JAKMIP2: variants seen among roughly 807,000 people sequenced by gnomAD.
JAKMIP2 encodes the protein janus kinase and microtubule-interacting protein 2.
In JAKMIP2, 25 loss-of-function variants were observed where a neutral mutation model predicts 115.0. That is an observed-to-expected ratio of 0.22 (90% CI 0.16 to 0.30). The LOEUF (loss-of-function observed/expected upper bound fraction) is 0.30, where lower values mean the gene tolerates loss of function less well. Among genes scored for constraint, JAKMIP2 ranks in the 10% least tolerant of loss-of-function variants. The probability of loss-of-function intolerance (pLI) is 1.00; values close to 1 mark genes in which losing one functional copy is unlikely to be tolerated. For missense variants in JAKMIP2, 642 were observed against 957.6 expected (o/e 0.67, Z 4.35); for synonymous variants, 334 against 343.6 (o/e 0.97, Z 0.31).
chr5:147,595,404 T>TC lies in JAKMIP2; in HGVS notation c.*21-3719dup, dbSNP rs1293530939. On this transcript the variant is annotated intron_variant, in intron 21 of 21. Transcript: ENST00000616793. ...AACTTAGGCTCTTTTGCCCCTCTGTTCCTTCTGTCCTGTGACACAGCTTTG... is the reference window on the plus strand; with the variant it reads ...AACTTAGGCTCTTTTGCCCCTCTGTTCCCTTCTGTCCTGTGACACAGCTTTG... 3 of 456,414 alleles carry TC rather than the reference T, an allele frequency of 6.6e-6. No homozygotes were observed. In the East Asian group the frequency reaches 2.1e-4, roughly 32 times the overall value. The allele number at this position is 456,414 out of a possible 1,614,324, so 28.3% of individuals were successfully genotyped here. A position where few individuals can be genotyped will look rare whatever the true frequency, so the allele number is the denominator to read the frequency against.
chr5:147,605,232 C>T (rs1171209030), intron 20 of JAKMIP2, among the ~76,000 whole-genome samples: 5 of 125,414 alleles, frequency 4.0e-5, no homozygotes, highest in Non-Finnish European at 6.5e-5. Context: ...TTTTTTGAGA[C>T]GGAGTCTTGC....
intron 1 of JAKMIP2, among the ~76,000 whole-genome samples, chr5:147,687,984 C>G (rs922617144): frequency 6.6e-6 from 1 of 152,182 alleles, no homozygotes; most frequent in Non-Finnish European, 1.5e-5. Context: ...TTTGATGTGT[C>G]TGACAAAATT....
chr5:147,672,562 T>G (rs571095779), intron 1 of JAKMIP2, among the ~76,000 whole-genome samples: 1 of 152,046 alleles, frequency 6.6e-6, no homozygotes, highest in African/African-American at 2.4e-5. Flanking sequence ...GGGAAAAAAT[T>G]TATCTATCTA....
chr5:147,739,523 G>C (rs1580860404), intron 1 of JAKMIP2, among the ~76,000 whole-genome samples: 1 of 152,004 alleles, frequency 6.6e-6, no homozygotes, highest in African/African-American at 2.4e-5. Flanking sequence ...TGCATGAGAC[G>C]AACAGAGGCT....
chr5:147,731,429 T>TA (rs1174051238), intron 1 of JAKMIP2, among the ~76,000 whole-genome samples: 4 of 152,232 alleles, frequency 2.6e-5, no homozygotes, highest in Non-Finnish European at 5.9e-5. Context: ...ATAATACTCT[T>TA]ACTTCTGAAG....
chr5:147,772,244 C>A (rs1459695499), intron 1 of JAKMIP2, among the ~76,000 whole-genome samples: 4 of 152,080 alleles, frequency 2.6e-5, no homozygotes, highest in African/African-American at 9.7e-5. Flanking sequence ...TTTGAAGCTG[C>A]AAATCATACT....
intron 8 of JAKMIP2, among the ~76,000 whole-genome samples, chr5:147,641,466 C>T (rs889534080): frequency 7.9e-5 from 12 of 152,308 alleles, no homozygotes; most frequent in African/African-American, 2.9e-4. Flanking sequence ...CTAGGGGCAT[C>T]TCCATTTAGA....
At chr5:147,648,638 T>C (rs1422776469) in intron 4 of JAKMIP2, among the ~76,000 whole-genome samples, 164 bp from the exon 5 acceptor site, 1 of 152,230 alleles carries the variant, frequency 6.6e-6, no homozygotes, top group Non-Finnish European at 1.5e-5. Flanking sequence ...TACCCTTTTA[T>C]AACTCTCAAT....
At chr5:147,665,436 C>T (rs1759245135) in intron 2 of JAKMIP2, among the ~76,000 whole-genome samples, 1 of 152,198 alleles carries the variant, frequency 6.6e-6, no homozygotes, top group Non-Finnish European at 1.5e-5. Context: ...GTTACTTCAG[C>T]TCAAGTGATA....
intron 1 of JAKMIP2, among the ~76,000 whole-genome samples, chr5:147,774,060 A>T (rs1755464685): frequency 6.6e-6 from 1 of 152,202 alleles, no homozygotes; most frequent in South Asian, 2.1e-4. Flanking sequence ...TTTAAAAAGA[A>T]GTCAAAATTC....
At position 147,742,151 on chromosome 5, in the gene JAKMIP2, A is replaced by AT. The variant is rs1374987918; in HGVS notation, c.-149+40304dup. Among the ~76,000 whole-genome samples the AT allele has an allele frequency of 8.0e-5, 8 of 99,680 alleles. 2 individuals are homozygous for AT. The highest frequency in any genetic ancestry group is 1.4e-4 in the Non-Finnish European group (7 of 51,016). 65.4% of individuals were successfully genotyped at this position (99,680 alleles called of 152,430 possible). Reference sequence around the variant, plus strand: ...GCCCTGTGGATCATTATATATATATATATATTTTTTTTACTATTGTATTGT... The same window carrying AT: ...GCCCTGTGGATCATTATATATATATATTATATTTTTTTTACTATTGTATTGT... On this transcript the variant is annotated intron_variant, in intron 1 of 21. Coordinates refer to ENST00000616793, the MANE Select transcript of JAKMIP2 (RefSeq NM_001270941.2).
At chr5:147,638,779 AAGGCTAGGAAACCT>A (rs1461874681) in intron 10 of JAKMIP2, among the ~76,000 whole-genome samples, 3 of 152,022 alleles carry the variant, frequency 2.0e-5, no homozygotes, top group African/African-American at 7.3e-5. Flanking sequence ...GTGAAGTCAC[AAGGCTAGGAAACCT>A]AGGTAAACCT....
chr5:147,663,289 G>A (rs572954417), intron 2 of JAKMIP2, among the ~76,000 whole-genome samples: 1 of 152,240 alleles, frequency 6.6e-6, no homozygotes, highest in East Asian at 1.9e-4. Context: ...TTGAGTCAGT[G>A]GACTGGGAAA....
At position 147,593,141 on chromosome 5, in the gene JAKMIP2, A is replaced by C. The variant is rs138924582; in HGVS notation, c.*21-1455T>G. On this transcript the variant is annotated intron_variant, in intron 21 of 21. Coordinates refer to ENST00000616793, the MANE Select transcript of JAKMIP2 (RefSeq NM_001270941.2). ...GAACTGAAGAGTGATGACAGGGCAGAGACAGGCGCTACAGCGTAGTTGTCT... is the reference window on the plus strand; with the variant it reads ...GAACTGAAGAGTGATGACAGGGCAGCGACAGGCGCTACAGCGTAGTTGTCT... 1.2e-4 allele frequency among the ~76,000 whole-genome samples: 19 copies of C among 152,346 alleles called. No homozygotes were observed. In the East Asian group the frequency reaches 3.7e-3, roughly 29 times the overall value.
At chr5:147,624,674 A>G (rs1270227642) in intron 16 of JAKMIP2, among the ~76,000 whole-genome samples, 1 of 152,196 alleles carries the variant, frequency 6.6e-6, no homozygotes, top group African/African-American at 2.4e-5. Flanking sequence ...ACAGGTTTTT[A>G]TAGAACAAAT....
At chr5:147,746,444 T>C (rs888455459) in intron 1 of JAKMIP2, among the ~76,000 whole-genome samples, 6 of 152,088 alleles carry the variant, frequency 3.9e-5, no homozygotes, top group African/African-American at 1.4e-4. Context: ...CCTTATGCAT[T>C]ATAAACTAGA....
At chr5:147,700,172 C>A (rs2078252684) in intron 1 of JAKMIP2, among the ~76,000 whole-genome samples, 1 of 151,168 alleles carries the variant, frequency 6.6e-6, no homozygotes, top group Admixed American at 6.6e-5. Flanking sequence ...ATTAGAGATT[C>A]AAATATTGAA....
In JAKMIP2 at chr5:147,651,938, G is replaced by T. The variant is rs1392135099; in HGVS notation, c.628-1391C>A. Among the ~76,000 whole-genome samples, 3 of 152,140 alleles carry T rather than the reference G, an allele frequency of 2.0e-5. No individual in the cohort carries two copies. The East Asian group carries it at 5.8e-4, about 29-fold the overall frequency. On this transcript the variant is annotated intron_variant, in intron 3 of 21. Coordinates refer to ENST00000616793, the MANE Select transcript of JAKMIP2 (RefSeq NM_001270941.2). Reference sequence around the variant, plus strand: ...GTCAACTGGAGCATTACTTTTATTTGCAGGTTAACATAGCTCTAGTTACTT... The same window carrying T: ...GTCAACTGGAGCATTACTTTTATTTTCAGGTTAACATAGCTCTAGTTACTT...
intron 11 of JAKMIP2, among the ~76,000 whole-genome samples, chr5:147,636,714 T>C (rs1561506173): frequency 6.6e-6 from 1 of 152,144 alleles, no homozygotes; most frequent in East Asian, 1.9e-4. Flanking sequence ...TCTAGGCTAT[T>C]TGTACAGGGT....
Sources: allele counts gnomAD v4.1 joint callset (sites outside exome capture counted in the v4.1 genomes callset), GRCh38; gene constraint gnomAD v4.1.1; transcripts MANE v1.5; gene names NCBI Gene and HGNC (gene_info 2026-07-23, HGNC 2026-07-21).